Variants in PBX4 observed in about 807,000 individuals in gnomAD.
The protein encoded by PBX4 is pre-B-cell leukemia transcription factor 4.
A neutral mutation model predicts 35.1 loss-of-function variants in PBX4; 26 were observed. The ratio of observed to expected loss-of-function variants is 0.74; its 90% CI spans 0.54 to 1.03. The LOEUF (loss-of-function observed/expected upper bound fraction) is 1.03, where lower values mean the gene tolerates loss of function less well. PBX4 is among the 50% of genes least tolerant of loss of function. The pLI is 0.00. For missense variants in PBX4, 448 were observed against 504.3 expected, an observed-to-expected ratio of 0.89 and a Z score of 1.07; for synonymous variants, 199 against 204.2, an observed-to-expected ratio of 0.97 and a Z score of 0.22.
chr19:19,574,448 C>T (rs537547953), intron 2 of PBX4, among the ~76,000 whole-genome samples: 1 of 152,236 alleles, frequency 6.6e-6, no homozygotes, highest in South Asian at 2.1e-4. Flanking sequence ...TCAGAAAACA[C>T]CCCCTCTCCC....
intron 1 of PBX4, among the ~76,000 whole-genome samples, chr19:19,609,848 C>T (rs2061653696): frequency 6.6e-6 from 1 of 151,998 alleles, no homozygotes; most frequent in African/African-American, 2.4e-5. Context: ...GAGACTCCGT[C>T]TCAAAAAAAC....
chr19:19,598,485 T>C (rs569482778), intron 2 of PBX4, among the ~76,000 whole-genome samples: 4 of 151,720 alleles, frequency 2.6e-5, no homozygotes, highest in Non-Finnish European at 5.9e-5. Flanking sequence ...TTAGTAGAGA[T>C]GGGGGTTTCA....
At chr19:19,596,385 T>TAAAC (rs768630578) in intron 2 of PBX4, among the ~76,000 whole-genome samples, 8 of 151,342 alleles carry the variant, frequency 5.3e-5, no homozygotes, top group African/African-American at 1.9e-4. Flanking sequence ...AATAAATAAA[T>TAAAC]AAACAAACAA....
intron 1 of PBX4, among the ~76,000 whole-genome samples, chr19:19,609,549 G>GAAAAAA (rs11300224): frequency 2.4e-5 from 2 of 85,034 alleles, no homozygotes; most frequent in African/African-American, 4.7e-5. Flanking sequence ...AAATCCATAT[G>GAAAAAA]AAAAAAAAAA....
chr19:19,594,873 C>T (rs1403033461), intron 2 of PBX4, among the ~76,000 whole-genome samples: 1 of 152,076 alleles, frequency 6.6e-6, no homozygotes. Context: ...AGGCGCATGC[C>T]ACCACGCCCA....
intron 1 of PBX4, chr19:19,606,657 G>C (rs2061633306): frequency 6.6e-6 from 1 of 152,272 alleles, no homozygotes; most frequent in South Asian, 2.1e-4. Flanking sequence ...AGAAAAATGG[G>C]GTTGGTGCTG....
At chr19:19,615,782 C>A (rs2061685788) in intron 1 of PBX4, among the ~76,000 whole-genome samples, 1 of 152,110 alleles carries the variant, frequency 6.6e-6, no homozygotes. Flanking sequence ...CCCGGCTACT[C>A]AGGAAGCTGA....
chr19:19,569,528 TAA>T lies in PBX4; in HGVS notation c.687_688del (p.Phe229LeufsTer30). On this transcript the variant is annotated frameshift_variant, in exon 5 of 8. Coordinates refer to ENST00000251203, the MANE Select transcript of PBX4 (RefSeq NM_025245.3). LOFTEE classifies it high-confidence loss of function. ...GGGGTAAGGGTTGTTCAGATGGGAG[TAA>T]AAATACTCATTCAGCACTTCCGTCG... 1 of 1,613,570 alleles carries T rather than the reference TAA, an allele frequency of 6.2e-7. No homozygotes were observed. The highest frequency in any genetic ancestry group is 8.5e-7 in the Non-Finnish European group (1 of 1,179,786).
chr19:19,609,516 T>G (rs1599381953), intron 1 of PBX4, among the ~76,000 whole-genome samples: 1 of 117,626 alleles, frequency 8.5e-6, no homozygotes, highest in Non-Finnish European at 1.6e-5. Flanking sequence ...GCCATTGCAC[T>G]CCAGCCTGGG....
chr19:19,590,461 G>C (rs752479083), intron 2 of PBX4, among the ~76,000 whole-genome samples: 30 of 148,438 alleles, frequency 2.0e-4, no homozygotes, highest in Non-Finnish European at 3.7e-4. Context: ...GTTTTGTTTT[G>C]TTTTCTTTCT....
At chr19:19,618,375 T>C (rs1218938985) in intron 1 of PBX4, 136 bp downstream of exon 1, 2 of 753,086 alleles carry the variant, frequency 2.7e-6, no homozygotes, top group Admixed American at 4.5e-5. Context: ...ACCCCATACA[T>C]CCCTTCGTCC....
At chr19:19,591,284 C>G (rs892199556) in intron 2 of PBX4, among the ~76,000 whole-genome samples, 2 of 152,152 alleles carry the variant, frequency 1.3e-5, no homozygotes, top group African/African-American at 4.8e-5. Context: ...CCCATGAGCA[C>G]CATGACACCC....
chr19:19,572,367 C>G (rs1033821941), intron 2 of PBX4, among the ~76,000 whole-genome samples: 1 of 151,832 alleles, frequency 6.6e-6, no homozygotes, highest in Non-Finnish European at 1.5e-5. Flanking sequence ...CCCACCGTAC[C>G]GGGCCAGAAT....
intron 1 of PBX4, among the ~76,000 whole-genome samples, chr19:19,615,165 CAAAAAAAAA>C (rs33921244): frequency 3.7e-5 from 2 of 54,188 alleles, no homozygotes; most frequent in South Asian, 8.4e-4. Flanking sequence ...ACCCTGTCTC[CAAAAAAAAA>C]AAAAAAAAAA....
intron 5 of PBX4, 96 bp downstream of exon 5, chr19:19,569,353 T>C (rs2061365416): frequency 6.8e-7 from 1 of 1,472,694 alleles, no homozygotes; most frequent in African/African-American, 1.4e-5. Flanking sequence ...ATGCCTGGCC[T>C]CTGCACACAT....
chr19:19,613,299 C>T (rs2061672308), intron 1 of PBX4, among the ~76,000 whole-genome samples: 1 of 150,766 alleles, frequency 6.6e-6, no homozygotes, highest in Non-Finnish European at 1.5e-5. Context: ...AACCCCGTCT[C>T]TACTAAAAAA....
chr19:19,587,358 C>T (rs1250360436), intron 2 of PBX4, among the ~76,000 whole-genome samples: 6 of 152,074 alleles, frequency 3.9e-5, no homozygotes, highest in Middle Eastern at 3.4e-3. Flanking sequence ...AAGGCCAAGG[C>T]GGGCATATCA....
chr19:19,603,698 T>C (rs765446713), intron 1 of PBX4, among the ~76,000 whole-genome samples: 2 of 152,206 alleles, frequency 1.3e-5, no homozygotes, highest in African/African-American at 2.4e-5. Flanking sequence ...GGCTCACGCC[T>C]GTAATCCCAG....
intron 2 of PBX4, among the ~76,000 whole-genome samples, chr19:19,591,575 G>A (rs17217098): frequency 0.043 from 6,512 of 152,336 alleles, 199 homozygotes; most frequent in Non-Finnish European, 0.065. Flanking sequence ...TCACAGGGTG[G>A]AGAAGGCAAA....
Sources: allele counts gnomAD v4.1 joint callset (sites outside exome capture counted in the v4.1 genomes callset), GRCh38; gene constraint gnomAD v4.1.1; transcripts MANE v1.5; gene names NCBI Gene and HGNC (gene_info 2026-07-23, HGNC 2026-07-21).